The following CRADD variants were observed in gnomAD, a reference collection of about 807,000 sequenced individuals.
CRADD encodes CARD and death domain containing adaptor protein.
CRADD carries 9 observed loss-of-function variants against 15.5 expected under a neutral mutation model. That is an observed-to-expected ratio of 0.58 (90% confidence interval 0.35 to 1.01). The LOEUF (loss-of-function observed/expected upper bound fraction) is 1.01. Among genes scored for constraint, CRADD ranks in the 50% least tolerant of loss-of-function variants. CRADD has a pLI of 0.02. For missense variants in CRADD, 227 were observed against 250.3 expected (o/e 0.91, Z 0.63); for synonymous variants, 118 against 107.6 (o/e 1.10, Z -0.60).
chr12:93,842,829 T>A (rs1446755499), intron 2 of CRADD, among the ~76,000 whole-genome samples: 2 of 124,394 alleles, frequency 1.6e-5, no homozygotes, highest in African/African-American at 3.0e-5. Context: ...TGGGGGAGAG[T>A]AGGGGGAGGT....
intron 2 of CRADD, among the ~76,000 whole-genome samples, chr12:93,892,058 T>C (rs1160250496): frequency 6.6e-6 from 1 of 152,134 alleles, no homozygotes; most frequent in Non-Finnish European, 1.5e-5. Flanking sequence ...TAAGCCCACT[T>C]TGCAAAGGAG....
intron 2 of CRADD, among the ~76,000 whole-genome samples, chr12:93,808,571 A>G (rs1957575900): frequency 6.6e-6 from 1 of 152,122 alleles, no homozygotes. Context: ...TTATTGCAGC[A>G]CTGTGCCCAC....
intron 2 of CRADD, among the ~76,000 whole-genome samples, chr12:93,767,869 C>A (rs1957042150): frequency 6.6e-6 from 1 of 152,194 alleles, no homozygotes; most frequent in Non-Finnish European, 1.5e-5. Flanking sequence ...GAAATACACA[C>A]AAGCAAATTC....
chr12:93,798,393 T>C (rs941727709), intron 2 of CRADD, among the ~76,000 whole-genome samples: 3 of 152,178 alleles, frequency 2.0e-5, no homozygotes, highest in African/African-American at 7.2e-5. Context: ...ATAAGACTGA[T>C]TGAGTCATAA....
chr12:93,882,320 C>A (rs1270938670), intron 2 of CRADD, among the ~76,000 whole-genome samples: 1 of 150,932 alleles, frequency 6.6e-6, no homozygotes, highest in Non-Finnish European at 1.5e-5. Context: ...ACTCAGGAGG[C>A]CGAGGCAGGA....
chr12:93,683,539 C>G (rs540512999), intron 2 of CRADD, among the ~76,000 whole-genome samples: 1 of 152,318 alleles, frequency 6.6e-6, no homozygotes, highest in African/African-American at 2.4e-5. Flanking sequence ...TGGGCTTGAT[C>G]TTGTCCTCCC....
intron 2 of CRADD, among the ~76,000 whole-genome samples, chr12:93,695,282 A>G (rs1449718573): frequency 6.6e-6 from 1 of 152,196 alleles, no homozygotes; most frequent in Admixed American, 6.5e-5. Context: ...TTAGACCCTC[A>G]TCTCACACCA....
At chr12:93,726,702 T>TG (rs111512660) in intron 2 of CRADD, among the ~76,000 whole-genome samples, 23 of 151,714 alleles carry the variant, frequency 1.5e-4, no homozygotes, top group South Asian at 4.2e-4. Flanking sequence ...ATTTTTTTTT[T>TG]CTGCTGTGGA....
chr12:93,797,186 G>A (rs1366352936), intron 2 of CRADD, among the ~76,000 whole-genome samples: 2 of 152,146 alleles, frequency 1.3e-5, no homozygotes, highest in Non-Finnish European at 2.9e-5. Context: ...GTAAGCCAAG[G>A]GCAAGCATTT....
intron 2 of CRADD, among the ~76,000 whole-genome samples, chr12:93,860,803 C>G (rs369379279): frequency 4.6e-5 from 7 of 152,124 alleles, no homozygotes; most frequent in East Asian, 3.8e-4. Flanking sequence ...ATGAAACCAG[C>G]GTAACCAATC....
At chr12:93,794,422 A>AT (rs1474188426) in intron 2 of CRADD, among the ~76,000 whole-genome samples, 9 of 152,074 alleles carry the variant, frequency 5.9e-5, no homozygotes, top group African/African-American at 2.2e-4. Context: ...ATCTCAGTAA[A>AT]TAACACTGTT....
intron 2 of CRADD, among the ~76,000 whole-genome samples, chr12:93,882,957 T>C (rs1299928904): frequency 2.6e-5 from 4 of 152,226 alleles, no homozygotes; most frequent in Admixed American, 6.5e-5. Context: ...GGAATTAACA[T>C]CTGACTGTCT....
chr12:93,721,024 G>A (rs952536799), intron 2 of CRADD, among the ~76,000 whole-genome samples: 2 of 151,852 alleles, frequency 1.3e-5, no homozygotes, highest in Non-Finnish European at 2.9e-5. Context: ...GCCTTTTATG[G>A]TTTATTATTT....
chr12:93,809,816 A>T (rs1957598967), intron 2 of CRADD, among the ~76,000 whole-genome samples: 1 of 152,192 alleles, frequency 6.6e-6, no homozygotes, highest in Non-Finnish European at 1.5e-5. Flanking sequence ...CCCTTGGTGG[A>T]TAAAGACATG....
At chr12:93,858,500 CTT>C (rs1460688857) in intron 2 of CRADD, among the ~76,000 whole-genome samples, 1 of 152,208 alleles carries the variant, frequency 6.6e-6, no homozygotes, top group African/African-American at 2.4e-5. Flanking sequence ...TCAGTCCTCC[CTT>C]TTGTTGAAAA....
intron 2 of CRADD, among the ~76,000 whole-genome samples, chr12:93,684,005 G>A (rs1410148356): frequency 6.6e-6 from 1 of 152,076 alleles, no homozygotes; most frequent in Non-Finnish European, 1.5e-5. Flanking sequence ...TCCATAGCAA[G>A]ACCCTTCCCT....
At chr12:93,881,256 A>G (rs538518810) in intron 2 of CRADD, among the ~76,000 whole-genome samples, 2 of 152,268 alleles carry the variant, frequency 1.3e-5, no homozygotes, top group East Asian at 3.9e-4. Flanking sequence ...TCCTCTCAGA[A>G]AGGAAGAAGT....
chr12:93,841,328 G>A (rs932013814), intron 2 of CRADD, among the ~76,000 whole-genome samples: 3 of 152,048 alleles, frequency 2.0e-5, no homozygotes, highest in African/African-American at 4.8e-5. Context: ...AAAAACTGTA[G>A]TATCCTCATA....
chr12:93,678,199 G>A (rs1252987517), intron 1 of CRADD, among the ~76,000 whole-genome samples: 2 of 152,336 alleles, frequency 1.3e-5, no homozygotes, highest in East Asian at 3.9e-4. Flanking sequence ...TTTCTTAAAG[G>A]TGATCGTGTA....
Sources: allele counts gnomAD v4.1 joint callset (sites outside exome capture counted in the v4.1 genomes callset), GRCh38; gene constraint gnomAD v4.1.1; transcripts MANE v1.5; gene names NCBI Gene and HGNC (gene_info 2026-07-23, HGNC 2026-07-21).